The following PSPC1 variants were observed in gnomAD, a reference collection of about 807,000 sequenced individuals.
PSPC1 encodes paraspeckle component 1.
PSPC1 carries 14 observed loss-of-function variants against 51.6 expected under a neutral mutation model. The observed-to-expected ratio is 0.27, with a 90% confidence interval of 0.18 to 0.42. The LOEUF (loss-of-function observed/expected upper bound fraction) is 0.42. Among genes scored for constraint, PSPC1 ranks in the 10% least tolerant of loss-of-function variants. The probability of loss-of-function intolerance (pLI) is 1.00; values close to 1 mark genes in which losing one functional copy is unlikely to be tolerated. For synonymous variants in PSPC1, 193 were observed against 231.9 expected, an observed-to-expected ratio of 0.83 and a Z score of 1.53; for missense variants, 406 against 701.1, an observed-to-expected ratio of 0.58 and a Z score of 4.75.
intron 6 of PSPC1, among the ~76,000 whole-genome samples, chr13:19,691,460 C>G (rs1031467843): frequency 1.3e-5 from 2 of 152,086 alleles, no homozygotes; most frequent in Non-Finnish European, 1.5e-5. Flanking sequence ...GAGTTTGAGG[C>G]TGCGGTGAGC....
At chr13:19,737,357 T>C (rs1044449204) in intron 5 of PSPC1, 1 of 152,194 alleles carries the variant, frequency 6.6e-6, no homozygotes, top group Non-Finnish European at 1.5e-5. Context: ...AGTTCAGTCT[T>C]TCTATCTTTC....
At chr13:19,777,896 A>C (rs949971635) in intron 1 of PSPC1, among the ~76,000 whole-genome samples, 1 of 151,806 alleles carries the variant, frequency 6.6e-6, no homozygotes, top group Non-Finnish European at 1.5e-5. Context: ...CAGTGAGTCG[A>C]GATCGCGCTA....
chr13:19,763,932 G>A (rs957205945), intron 2 of PSPC1, among the ~76,000 whole-genome samples: 5 of 152,220 alleles, frequency 3.3e-5, no homozygotes, highest in African/African-American at 1.2e-4. Flanking sequence ...GAATCCAGGA[G>A]GTGGAAGTTG....
At chr13:19,707,123 CTCTT>C (rs1320657161) in intron 7 of PSPC1, among the ~76,000 whole-genome samples, 1 of 152,100 alleles carries the variant, frequency 6.6e-6, no homozygotes, top group East Asian at 1.9e-4. Context: ...TCTTTTTCCT[CTCTT>C]TCTCTTTAAT....
At chr13:19,757,266 G>A (rs1186657302) in intron 3 of PSPC1, among the ~76,000 whole-genome samples, 2 of 152,134 alleles carry the variant, frequency 1.3e-5, no homozygotes, top group Non-Finnish European at 2.9e-5. Flanking sequence ...TGCACCCACT[G>A]GAACCCTTGA....
chr13:19,756,699 C>T (rs927456465), intron 3 of PSPC1, among the ~76,000 whole-genome samples: 15 of 151,594 alleles, frequency 9.9e-5, no homozygotes, highest in African/African-American at 3.6e-4. Flanking sequence ...GGGGGTTTCA[C>T]CATGTTAGGC....
At chr13:19,683,921 G>C (rs1047724353) in intron 6 of PSPC1, among the ~76,000 whole-genome samples, 7 of 152,078 alleles carry the variant, frequency 4.6e-5, no homozygotes, top group African/African-American at 1.7e-4. Context: ...ACTCATAGTT[G>C]AATAAAGTAC....
intron 6 of PSPC1, among the ~76,000 whole-genome samples, chr13:19,729,966 C>A (rs944236883): frequency 6.6e-6 from 1 of 151,980 alleles, no homozygotes; most frequent in Non-Finnish European, 1.5e-5. Context: ...ATGTATATAT[C>A]AAGATTTCTA....
At chr13:19,780,025 CT>C (rs1889750312) in intron 1 of PSPC1, among the ~76,000 whole-genome samples, 1 of 140,272 alleles carries the variant, frequency 7.1e-6, no homozygotes, top group Non-Finnish European at 1.6e-5. Flanking sequence ...GTCAGCCCCC[CT>C]GCCCGGCCAG....
chr13:19,754,208 C>T (rs1359234094), intron 3 of PSPC1, among the ~76,000 whole-genome samples: 1 of 152,084 alleles, frequency 6.6e-6, no homozygotes, highest in African/African-American at 2.4e-5. Flanking sequence ...CCTCAGCCTC[C>T]CAAATAGCTG....
At chr13:19,761,759 TGAA>T (rs1887622980) in intron 2 of PSPC1, among the ~76,000 whole-genome samples, 1 of 152,030 alleles carries the variant, frequency 6.6e-6, no homozygotes, top group Non-Finnish European at 1.5e-5. Flanking sequence ...AGGGCCAAAA[TGAA>T]GATGATGCAT....
chr13:19,774,804 CCAAAAAAAAAAAAA>C lies in PSPC1; in HGVS notation c.373-2275_373-2262del, dbSNP rs1888933236. ...TGGGTGTCAGGGACAGACTCTGTGTCCAAAAAAAAAAAAACAAAAAAAAAAAAGAAAAAGAAAAA... is the reference window on the plus strand; with the variant it reads ...TGGGTGTCAGGGACAGACTCTGTGTCCAAAAAAAAAAAAGAAAAAGAAAAA... On this transcript the variant is annotated intron_variant, in intron 1 of 8. Transcript: ENST00000338910. Among the ~76,000 whole-genome samples the C allele has an allele frequency of 1.8e-4, 22 of 124,362 alleles. 2 individuals are homozygous for C. The South Asian group carries it at 5.7e-3, about 32-fold the overall frequency. 81.6% of individuals were successfully genotyped at this position (124,362 alleles called of 152,430 possible).
intron 6 of PSPC1, among the ~76,000 whole-genome samples, chr13:19,713,322 C>T (rs1412515477): frequency 2.0e-5 from 3 of 151,976 alleles, no homozygotes; most frequent in African/African-American, 7.2e-5. Context: ...CTCAGTTTTA[C>T]ATTATTGATT....
intron 2 of PSPC1, among the ~76,000 whole-genome samples, chr13:19,771,227 C>T (rs1327394197): frequency 6.6e-6 from 1 of 151,446 alleles, no homozygotes; most frequent in East Asian, 2.0e-4. Context: ...AACCTCCGCC[C>T]CCCGGGTTCA....
intron 3 of PSPC1, among the ~76,000 whole-genome samples, chr13:19,751,924 G>A (rs1269978394): frequency 6.6e-6 from 1 of 152,122 alleles, no homozygotes; most frequent in East Asian, 1.9e-4. Flanking sequence ...CGGGCGTGGT[G>A]GCAGGCACCT....
At chr13:19,675,720 A>G (rs1243856222) in intron 7 of PSPC1, 1 of 152,208 alleles carries the variant, frequency 6.6e-6, no homozygotes, top group Non-Finnish European at 1.5e-5. Flanking sequence ...TTTCTAAAGA[A>G]ACAAGAGCTT....
intron 5 of PSPC1, among the ~76,000 whole-genome samples, chr13:19,735,981 C>T (rs965533894): frequency 7.9e-5 from 12 of 152,104 alleles, no homozygotes; most frequent in Admixed American, 4.6e-4. Flanking sequence ...CCACCACGTC[C>T]GGCTAATTTT....
At chr13:19,760,992 TA>T (rs879477237) in intron 2 of PSPC1, among the ~76,000 whole-genome samples, 185 of 139,774 alleles carry the variant, frequency 1.3e-3, no homozygotes, top group Middle Eastern at 3.7e-3. Flanking sequence ...CGTCTCAAAT[TA>T]AAAAAAAAAA....
intron 4 of PSPC1, among the ~76,000 whole-genome samples, chr13:19,749,707 C>T (rs12870678): frequency 1.3e-5 from 2 of 148,758 alleles, no homozygotes; most frequent in African/African-American, 2.5e-5. Flanking sequence ...GGCGTGATCT[C>T]GGCTTACCGC....
Sources: gnomAD v4.1 joint callset for allele counts (sites outside exome capture counted in the v4.1 genomes callset) on GRCh38, gnomAD v4.1.1 for gene constraint, MANE v1.5 for transcripts, NCBI Gene and HGNC (gene_info 2026-07-23, HGNC 2026-07-21) for gene names.